Variants in HIVEP3 observed in about 807,000 individuals in gnomAD.
The protein encoded by HIVEP3 is transcription factor HIVEP3.
In HIVEP3, 49 loss-of-function variants were observed where a neutral mutation model predicts 152.8. The ratio of observed to expected loss-of-function variants is 0.32; its 90% confidence interval spans 0.26 to 0.41. The LOEUF (loss-of-function observed/expected upper bound fraction) is 0.41, where lower values mean the gene tolerates loss of function less well. Ranked by LOEUF, HIVEP3 falls within the 10% of genes least tolerant of loss-of-function variation. HIVEP3 has a pLI of 1.00. For missense variants in HIVEP3, 2,790 were observed against 3,103.3 expected (o/e 0.90, Z 2.40); for synonymous variants, 1,269 against 1,289.0 (o/e 0.98, Z 0.33).
chr1:41,896,386 C>T (rs191365860), intron 1 of HIVEP3, among the ~76,000 whole-genome samples: 20 of 152,206 alleles, frequency 1.3e-4, no homozygotes, highest in Non-Finnish European at 8.8e-5. Flanking sequence ...TGTGAACTTG[C>T]GTGGTGTCCA....
chr1:41,518,398 T>A lies in HIVEP3; in HGVS notation c.5470+4A>T. 6.2e-7 allele frequency: 1 copy of A among 1,612,954 alleles called. No individual in the cohort carries two copies. Among genetic ancestry groups the A allele is most frequent in the East Asian group, 2.2e-5 (1 of 44,882 alleles). On this transcript the variant is annotated splice_donor_region_variant and intron_variant, in intron 7 of 8. Transcript: ENST00000372583. The stretch of plus-strand genomic sequence containing the variant: ...AGGGGACGGAGAAGGTTGGCAATTG[T>A]TACCTTCTTCGGCTTCCAGCTCCTC...
At chr1:41,608,454 G>A (rs1206799924) in intron 3 of HIVEP3, among the ~76,000 whole-genome samples, 1 of 152,174 alleles carries the variant, frequency 6.6e-6, no homozygotes, top group Non-Finnish European at 1.5e-5. Flanking sequence ...TGGGGAATTT[G>A]GCGGCCACTG....
At position 41,992,228 on chromosome 1, in the gene HIVEP3, A is replaced by G. The variant is rs1206353161; in HGVS notation, n.119+43579T>C. ...CAAATTGTCCCTCTTTGCAGATGAC[A>G]TGATTGTATATCTAGAAAACCCCAT... is the stretch of plus-strand genomic sequence containing the variant. On this transcript the variant is annotated intron_variant and non_coding_transcript_variant, in intron 1 of 3. Coordinates refer to the HIVEP3 transcript ENST00000489103. Among the ~76,000 whole-genome samples, 8 of 152,236 alleles carry G rather than the reference A, an allele frequency of 5.3e-5. No homozygotes were observed. The East Asian group carries it at 9.7e-4, about 18-fold the overall frequency.
intron 1 of HIVEP3, among the ~76,000 whole-genome samples, chr1:41,811,242 C>T (rs571641652): frequency 6.6e-6 from 1 of 151,702 alleles, no homozygotes; most frequent in East Asian, 2.0e-4. Flanking sequence ...TTTTCCTACT[C>T]CCCAAGGCCC....
At chr1:41,963,286 C>T (rs952199958) in intron 1 of HIVEP3, among the ~76,000 whole-genome samples, 1 of 152,214 alleles carries the variant, frequency 6.6e-6, no homozygotes, top group Non-Finnish European at 1.5e-5. Context: ...GCTGGGATTA[C>T]GGGCGTGAGC....
intron 7 of HIVEP3, among the ~76,000 whole-genome samples, chr1:41,517,467 G>A (rs1440897945): frequency 1.3e-5 from 2 of 152,302 alleles, no homozygotes; most frequent in South Asian, 4.1e-4. Flanking sequence ...CACCTAAAAG[G>A]AAATATGACT....
intron 2 of HIVEP3, among the ~76,000 whole-genome samples, chr1:41,665,974 G>A (rs1314111966): frequency 1.3e-5 from 2 of 152,234 alleles, no homozygotes; most frequent in East Asian, 1.9e-4. Context: ...GGGTGGGGCT[G>A]AGCAACCAGG....
chr1:41,961,428 G>A (rs1224820715), intron 1 of HIVEP3, among the ~76,000 whole-genome samples: 1 of 152,236 alleles, frequency 6.6e-6, no homozygotes, highest in Admixed American at 6.5e-5. Context: ...AGTGAGCTTC[G>A]CCACATCACT....
intron 1 of HIVEP3, among the ~76,000 whole-genome samples, chr1:41,816,149 G>C (rs879258355): frequency 9.2e-5 from 14 of 152,152 alleles, no homozygotes; most frequent in Admixed American, 5.2e-4. Flanking sequence ...GTCCACTCCA[G>C]CCTCTCAGTA....
At chr1:41,821,125 T>A (rs1171327777) in intron 1 of HIVEP3, among the ~76,000 whole-genome samples, 1 of 152,198 alleles carries the variant, frequency 6.6e-6, no homozygotes, top group Non-Finnish European at 1.5e-5. Flanking sequence ...GGCTGCTGAC[T>A]GATAGGTGAC....
chr1:41,512,798 C>G lies in HIVEP3; in HGVS notation c.6405+18G>C. 1.4e-6 allele frequency: 2 copies of G among 1,465,256 alleles called. No individual in the cohort carries two copies. The highest frequency in any genetic ancestry group is 1.8e-6 in the Non-Finnish European group (2 of 1,104,480). 90.8% of individuals were successfully genotyped at this position (1,465,256 alleles called of 1,614,324 possible). A position where few individuals can be genotyped will look rare whatever the true frequency, so the allele number is the denominator to read the frequency against. ...CCACAGGGGAGAAGCGGCCCAGCCA[C>G]CAGGGGCAGGAACTCACCCACGGGG... On this transcript the variant is annotated intron_variant, in intron 8 of 8. Transcript: ENST00000372583.
intron 2 of HIVEP3, among the ~76,000 whole-genome samples, chr1:41,682,020 GA>G (rs113701614): frequency 0.034 from 5,210 of 152,028 alleles, 127 homozygotes; most frequent in African/African-American, 0.068. Flanking sequence ...ACTTTAATTG[GA>G]AAAGCTCTTC....
chr1:41,657,335 G>T (rs746712353), intron 2 of HIVEP3, among the ~76,000 whole-genome samples: 1 of 152,200 alleles, frequency 6.6e-6, no homozygotes, highest in African/African-American at 2.4e-5. Flanking sequence ...GATGTCAGAG[G>T]CATGGGAAGT....
At chr1:41,710,132 C>T (rs767649874) in intron 1 of HIVEP3, among the ~76,000 whole-genome samples, 23 of 152,142 alleles carry the variant, frequency 1.5e-4, no homozygotes, top group Non-Finnish European at 2.2e-4. Context: ...TCCCATTCTT[C>T]GTGCATCAGC....
chr1:41,687,669 C>T (rs1646134312), intron 2 of HIVEP3, among the ~76,000 whole-genome samples: 1 of 152,238 alleles, frequency 6.6e-6, no homozygotes, highest in Non-Finnish European at 1.5e-5. Flanking sequence ...TCCCCGGTGC[C>T]CCTTCATCAT....
chr1:41,687,769 T>C (rs566155571), intron 2 of HIVEP3, among the ~76,000 whole-genome samples: 2 of 152,230 alleles, frequency 1.3e-5, no homozygotes, highest in Non-Finnish European at 2.9e-5. Context: ...TGTTTTAAAA[T>C]AAAACAATTC....
intron 1 of HIVEP3, among the ~76,000 whole-genome samples, chr1:41,964,175 G>A (rs1048016627): frequency 6.6e-6 from 1 of 152,208 alleles, no homozygotes; most frequent in South Asian, 2.1e-4. Flanking sequence ...TGAGAAGAAC[G>A]AAAATGGCAA....
At chr1:41,853,898 C>T (rs1643676991) in intron 1 of HIVEP3, among the ~76,000 whole-genome samples, 1 of 152,144 alleles carries the variant, frequency 6.6e-6, no homozygotes, top group Non-Finnish European at 1.5e-5. Flanking sequence ...AGAAGCCTGT[C>T]TGTAAATGAT....
chr1:41,645,613 T>G (rs1313045072), intron 2 of HIVEP3, among the ~76,000 whole-genome samples: 1 of 152,278 alleles, frequency 6.6e-6, no homozygotes, highest in South Asian at 2.1e-4. Flanking sequence ...ATTGCATAAT[T>G]ACTTATTCTG....
Sources: gnomAD v4.1 joint callset for allele counts (sites outside exome capture counted in the v4.1 genomes callset) on GRCh38, gnomAD v4.1.1 for gene constraint, MANE v1.5 for transcripts, NCBI Gene and HGNC (gene_info 2026-07-23, HGNC 2026-07-21) for gene names.